Variants in TMEM165 observed in about 807,000 individuals in gnomAD.
The protein encoded by TMEM165 is putative divalent cation/proton antiporter TMEM165.
Under a neutral mutation model 30.0 loss-of-function variants are expected in TMEM165, and 19 were observed. The observed-to-expected ratio is 0.63, with a 90% CI of 0.44 to 0.93. The LOEUF is 0.93. Among genes scored for constraint, TMEM165 ranks in the 40% least tolerant of loss-of-function variants. The pLI is 0.00. For missense variants in TMEM165, 340 were observed against 417.0 expected (o/e 0.82, Z 1.61); for synonymous variants, 168 against 162.9 (o/e 1.03, Z -0.24).
chr4:55,422,290 C>A (rs1722013533), intron 4 of TMEM165, among the ~76,000 whole-genome samples: 5 of 152,128 alleles, frequency 3.3e-5, no homozygotes, highest in Admixed American at 1.3e-4. Context: ...GAGAGTCTTG[C>A]TCTGTCACCC....
At chr4:55,441,797 A>G (rs190910378) in intron 3 of TMEM165, among the ~76,000 whole-genome samples, 1 of 152,290 alleles carries the variant, frequency 6.6e-6, no homozygotes. Flanking sequence ...TCAGTGCACT[A>G]AAATAAGTTA....
chr4:55,441,656 C>T (rs961447326), intron 3 of TMEM165, among the ~76,000 whole-genome samples: 2 of 152,184 alleles, frequency 1.3e-5, no homozygotes, highest in African/African-American at 4.8e-5. Context: ...CATATATTCT[C>T]ACTTGTAAGT....
intron 3 of TMEM165, chr4:55,449,456 G>A (rs770720190): frequency 2.5e-6 from 4 of 1,614,000 alleles, no homozygotes; most frequent in South Asian, 2.2e-5. Context: ...AATGCTGCCT[G>A]GGTGGAGTGC....
chr4:55,402,794 G>GGTTTTTTTTTTTTT (rs1491276185), intron 1 of TMEM165, among the ~76,000 whole-genome samples: 1 of 52,520 alleles, frequency 1.9e-5, no homozygotes, highest in Non-Finnish European at 3.5e-5. Flanking sequence ...TTTAAAAAAA[G>GGTTTTTTTTTTTTT]CTTTTTTTTT....
chr4:55,435,190 T>C, intron 3 of TMEM165: 1 of 562,604 alleles, frequency 1.8e-6, no homozygotes, highest in South Asian at 2.1e-5. Context: ...TAAAACACTG[T>C]CAGAACTGGC....
chr4:55,429,877 G>C (rs1224533859), downstream of TMEM165: 3 of 152,148 alleles, frequency 2.0e-5, no homozygotes, highest in Admixed American at 2.0e-4. Flanking sequence ...TCTGGAGTTG[G>C]CCCCTCCACT....
intron 4 of TMEM165, among the ~76,000 whole-genome samples, chr4:55,418,732 A>T (rs1401654599): frequency 6.6e-6 from 1 of 152,132 alleles, no homozygotes; most frequent in Non-Finnish European, 1.5e-5. Flanking sequence ...GAAAAATTTT[A>T]AAAGGAGGTT....
intron 1 of TMEM165, among the ~76,000 whole-genome samples, chr4:55,402,197 A>G (rs1394607615): frequency 6.8e-6 from 1 of 147,986 alleles, no homozygotes; most frequent in Non-Finnish European, 1.5e-5. Context: ...TCATAAAAAT[A>G]AACATTCATT....
At chr4:55,421,166 CAAAAAAAAAAAA>C (rs71194559) in intron 4 of TMEM165, among the ~76,000 whole-genome samples, 1 of 83,494 alleles carries the variant, frequency 1.2e-5, no homozygotes, top group South Asian at 4.2e-4. Context: ...GATTCCATCT[CAAAAAAAAAAAA>C]AAAAAAAAAA....
At chr4:55,417,581 A>T (rs1721788708) in intron 3 of TMEM165, 5 of 572,502 alleles carry the variant, frequency 8.7e-6, no homozygotes, top group South Asian at 2.4e-5. Flanking sequence ...AGCAGTAAAT[A>T]CTGTTTGGTT....
At chr4:55,419,491 T>C (rs1013698422) in intron 4 of TMEM165, among the ~76,000 whole-genome samples, 3 of 152,206 alleles carry the variant, frequency 2.0e-5, no homozygotes, top group Non-Finnish European at 4.4e-5. Flanking sequence ...TTCACAGTTG[T>C]TCAATGCCAC....
At chr4:55,402,602 C>G (rs1291736696) in intron 1 of TMEM165, among the ~76,000 whole-genome samples, 1 of 142,124 alleles carries the variant, frequency 7.0e-6, no homozygotes, top group African/African-American at 2.8e-5. Flanking sequence ...TGCATGCCAC[C>G]ACGCCCAGCT....
At chr4:55,401,141 G>C (rs1488633182) in intron 1 of TMEM165, among the ~76,000 whole-genome samples, 1 of 148,256 alleles carries the variant, frequency 6.7e-6, no homozygotes, top group Admixed American at 6.6e-5. Context: ...CTTATAGGAT[G>C]CTAAAAGCAA....
At chr4:55,430,184 T>A (rs1468674677), downstream of TMEM165, 1 of 151,808 alleles carries the variant, frequency 6.6e-6, no homozygotes, top group Non-Finnish European at 1.5e-5. Flanking sequence ...ACTAGTTTGA[T>A]TGTCACTTAA....
At chr4:55,427,122 C>T (rs182532491), downstream of TMEM165, among the ~76,000 whole-genome samples, 150 of 151,834 alleles carry the variant, frequency 9.9e-4, no homozygotes, top group African/African-American at 3.0e-3. Flanking sequence ...CAACCTCCAC[C>T]GCCCGGGTTC....
intron 3 of TMEM165, chr4:55,449,290 G>T: frequency 9.7e-7 from 1 of 1,032,840 alleles, no homozygotes; most frequent in Non-Finnish European, 1.5e-6. Context: ...TAACTATTTT[G>T]ATCTTTACAA....
chr4:55,421,164 C>G (rs1421218792), intron 4 of TMEM165, among the ~76,000 whole-genome samples: 1 of 57,936 alleles, frequency 1.7e-5, no homozygotes, highest in Non-Finnish European at 2.9e-5. Flanking sequence ...TAGATTCCAT[C>G]TCAAAAAAAA....
Position 55,396,266 on chromosome 4 carries a change from G to A in TMEM165, c.77G>A (p.Trp26Ter). Residue 26 changes from tryptophan (W) to a stop codon, truncating the protein, a stop_gained, in exon 1 of 6, where the codon TGG (tryptophan) becomes TAG (stop). Coordinates refer to ENST00000381334, the MANE Select transcript of TMEM165 (RefSeq NM_018475.5). LOFTEE classifies it high-confidence loss of function. Reference sequence around the variant, plus strand: ...CTGCTCTTTCTGGTTCCGCTGCTGTGGGCCCCGGCTGCGGTCCGGGCCGGC... The same window carrying A: ...CTGCTCTTTCTGGTTCCGCTGCTGTAGGCCCCGGCTGCGGTCCGGGCCGGC... ...LLLLFLVPLL[W>*]APAAVRAGPD... The A allele has an allele frequency of 6.6e-7, 1 of 1,520,498 alleles. No homozygotes were observed. The highest frequency in any genetic ancestry group is 8.8e-7 in the Non-Finnish European group (1 of 1,140,688). 94.2% of individuals were successfully genotyped at this position (1,520,498 alleles called of 1,614,324 possible). A position where few individuals can be genotyped will look rare whatever the true frequency, so the allele number is the denominator to read the frequency against.
downstream of TMEM165, chr4:55,428,696 T>C (rs1722336744): frequency 6.6e-6 from 1 of 152,084 alleles, no homozygotes; most frequent in South Asian, 2.1e-4. Flanking sequence ...GAATATCACA[T>C]TGAGAACCAC....
Sources: allele counts gnomAD v4.1 joint callset (sites outside exome capture counted in the v4.1 genomes callset), GRCh38; gene constraint gnomAD v4.1.1; transcripts MANE v1.5; gene names NCBI Gene and HGNC (gene_info 2026-07-23, HGNC 2026-07-21).